AZIN2: variants seen among roughly 807,000 people sequenced by gnomAD.
The protein encoded by AZIN2 is ODC antizyme inhibitor-2.
AZIN2 carries 28 observed loss-of-function variants against 47.8 expected under a neutral mutation model. That is an observed-to-expected ratio of 0.59 (90% CI 0.43 to 0.80). The LOEUF is 0.80. AZIN2 is among the 30% of genes least tolerant of loss of function. The pLI is 0.00. For missense variants in AZIN2, 535 were observed against 582.5 expected, an observed-to-expected ratio of 0.92 and a Z score of 0.84; for synonymous variants, 221 against 239.4, an observed-to-expected ratio of 0.92 and a Z score of 0.71.
chr1:33,118,095 A>G lies in AZIN2; in HGVS notation c.1223A>G (p.Tyr408Cys). Residue 408 changes from tyrosine to cysteine, a missense_variant, in exon 11 of 12, where the codon TAT (tyrosine) becomes TGT (cysteine). This residue lies in a region of AZIN2 where 122 missense variants were observed against 135.8 expected (regional missense o/e 0.90). Coordinates refer to ENST00000294517, the MANE Select transcript of AZIN2 (RefSeq NM_052998.4). Reference sequence around the variant, plus strand: ...GGGACCCAGGCCTGCCACATCACCTATGCCATGTCCCGGGTGGCCTGGTAA... The same window carrying G: ...GGGACCCAGGCCTGCCACATCACCTGTGCCATGTCCCGGGTGGCCTGGTAA... ...FWGTQACHIT[Y>C]AMSRVAWEAL... is the part of the protein sequence containing the mutation. The G allele has an allele frequency of 2.0e-6, 3 of 1,514,552 alleles. No homozygotes were observed. Among genetic ancestry groups the G allele is most frequent in the Non-Finnish European group, 2.6e-6 (3 of 1,134,544 alleles). The allele number at this position is 1,514,552 out of a possible 1,614,324, so 93.8% of individuals were successfully genotyped here.
At chr1:33,135,310 A>G in the AZIN2 span, among the ~76,000 whole-genome samples, 1 of 151,806 alleles carries the variant, frequency 6.6e-6, no homozygotes, top group Non-Finnish European at 1.5e-5. Context: ...AAACAAACAA[A>G]CCAAACAAAA....
the AZIN2 span, among the ~76,000 whole-genome samples, chr1:33,154,258 C>T: frequency 1.3e-5 from 2 of 150,928 alleles, no homozygotes; most frequent in Non-Finnish European, 3.0e-5. Flanking sequence ...AAAGTGCATC[C>T]AAGGCTCCGA....
intron 5 of AZIN2, among the ~76,000 whole-genome samples, chr1:33,088,520 A>G (rs1642188888): frequency 6.6e-6 from 1 of 152,188 alleles, no homozygotes; most frequent in South Asian, 2.1e-4. Context: ...AAATCTGACC[A>G]TGTCGTTTCC....
At chr1:33,102,716 A>C (rs1290044051) in intron 10 of AZIN2, among the ~76,000 whole-genome samples, 1 of 152,124 alleles carries the variant, frequency 6.6e-6, no homozygotes, top group African/African-American at 2.4e-5. Context: ...TGAGGCTCTT[A>C]GTATCTTCCA....
At chr1:33,125,459 G>T (rs147170331), downstream of AZIN2, among the ~76,000 whole-genome samples, 1 of 152,260 alleles carries the variant, frequency 6.6e-6, no homozygotes, top group Non-Finnish European at 1.5e-5. Context: ...CACATTTACT[G>T]ACTTCTTTCT....
chr1:33,084,857 C>T (rs1404533226), intron 5 of AZIN2, among the ~76,000 whole-genome samples: 1 of 152,170 alleles, frequency 6.6e-6, no homozygotes, highest in African/African-American at 2.4e-5. Context: ...GCCTCAGCCT[C>T]CTAAAGTGCT....
At position 33,098,110 on chromosome 1, in the gene AZIN2, T is replaced by C; in HGVS notation, c.960T>C (p.Asp320=). The C allele has an allele frequency of 6.2e-7, 1 of 1,614,176 alleles. No individual in the cohort carries two copies. The highest frequency in any genetic ancestry group is 1.1e-5 in the South Asian group (1 of 91,078). ...CCAAGACCATCGTGTACCACCTTGA[T>C]GAGGGCGTGTATGGGATCTTCAACT... ...STSKTIVYHL[D]EGVYGIFNSV... is the part of the protein sequence containing the mutation. Residue 320 remains aspartate, a synonymous_variant, in exon 10 of 12, where the codon GAT becomes GAC. Coordinates refer to ENST00000294517, the MANE Select transcript of AZIN2 (RefSeq NM_052998.4).
intron 5 of AZIN2, among the ~76,000 whole-genome samples, chr1:33,089,737 C>T (rs574908747): frequency 6.6e-6 from 1 of 152,264 alleles, no homozygotes; most frequent in Middle Eastern, 3.4e-3. Flanking sequence ...AAAATGTAGC[C>T]AGTAAATATT....
chr1:33,123,737 G>A (rs1005024928), downstream of AZIN2, among the ~76,000 whole-genome samples: 1 of 152,166 alleles, frequency 6.6e-6, no homozygotes, highest in Non-Finnish European at 1.5e-5. Flanking sequence ...GGTGGCTTAC[G>A]CCTATAATTC....
the AZIN2 span, among the ~76,000 whole-genome samples, chr1:33,157,573 A>C: frequency 6.6e-6 from 1 of 152,104 alleles, no homozygotes; most frequent in African/African-American, 2.4e-5. Context: ...CCTAGGATGT[A>C]AGATGCGTGA....
chr1:33,127,596 C>T (rs1644866319), downstream of AZIN2, among the ~76,000 whole-genome samples: 1 of 152,190 alleles, frequency 6.6e-6, no homozygotes, highest in Admixed American at 6.5e-5. Flanking sequence ...AGGGTAACAC[C>T]GGAAGTGGGC....
intron 8 of AZIN2, among the ~76,000 whole-genome samples, chr1:33,096,244 T>C (rs946468323): frequency 1.3e-5 from 2 of 152,190 alleles, no homozygotes; most frequent in African/African-American, 4.8e-5. Flanking sequence ...TGTCTTCAAG[T>C]TGAGAAAGCT....
intron 5 of AZIN2, among the ~76,000 whole-genome samples, chr1:33,090,070 T>C (rs1238278699): frequency 1.3e-5 from 2 of 152,040 alleles, no homozygotes; most frequent in South Asian, 2.1e-4. Context: ...AAAGTAGGGG[T>C]TGGCAAACTA....
the AZIN2 span, among the ~76,000 whole-genome samples, chr1:33,150,881 G>A: frequency 5.3e-5 from 8 of 152,286 alleles, no homozygotes; most frequent in Non-Finnish European, 1.0e-4. Flanking sequence ...GCAGAAGAGC[G>A]ATGCACAGTG....
chr1:33,099,058 C>T (rs113592149), intron 10 of AZIN2, among the ~76,000 whole-genome samples: 3,266 of 152,300 alleles, frequency 0.021, 87 homozygotes, highest in African/African-American at 0.057. Flanking sequence ...AGCCACCATG[C>T]CTGGCCTCTT....
At chr1:33,091,498 C>T (rs1032977861) in intron 5 of AZIN2, among the ~76,000 whole-genome samples, 1 of 152,180 alleles carries the variant, frequency 6.6e-6, no homozygotes, top group Non-Finnish European at 1.5e-5. Context: ...CCTCAGCCTC[C>T]CAAAGTGTTG....
At chr1:33,082,433 CTCA>C in intron 4 of AZIN2, 79 bp downstream of exon 4, 1 of 963,194 alleles carries the variant, frequency 1.0e-6, no homozygotes, top group Non-Finnish European at 1.5e-6. Flanking sequence ...CCCTAGGGCC[CTCA>C]TCTTATCCTT....
At chr1:33,131,191 AT>A in the AZIN2 span, among the ~76,000 whole-genome samples, 1 of 152,194 alleles carries the variant, frequency 6.6e-6, no homozygotes, top group African/African-American at 2.4e-5. Flanking sequence ...CCTGAGTTTG[AT>A]TTACTTGTCA....
Position 33,098,113 on chromosome 1 carries a change from G to A in AZIN2, c.963G>A (p.Glu321=), listed in dbSNP as rs1432468501. 7.4e-6 allele frequency: 12 copies of A among 1,613,982 alleles called. No individual in the cohort carries two copies. The highest frequency in any genetic ancestry group is 2.2e-5 in the East Asian group (1 of 44,898). The change falls in exon 10 of 12, where the codon GAG becomes GAA. Residue 321 remains glutamate, a synonymous_variant. Transcript: ENST00000294517. Reference sequence around the variant, plus strand: ...AGACCATCGTGTACCACCTTGATGAGGGCGTGTATGGGATCTTCAACTCAG... The same window carrying A: ...AGACCATCGTGTACCACCTTGATGAAGGCGTGTATGGGATCTTCAACTCAG... ...TSKTIVYHLD[E]GVYGIFNSVL... is the part of the protein sequence containing the mutation.
Sources: allele counts gnomAD v4.1 joint callset (sites outside exome capture counted in the v4.1 genomes callset), GRCh38; gene constraint gnomAD v4.1.1; regional missense constraint gnomAD v4.1.1; transcripts MANE v1.5; gene names NCBI Gene and HGNC (gene_info 2026-07-23, HGNC 2026-07-21).